PLEKHG4B: variants seen among roughly 807,000 people sequenced by gnomAD.
PLEKHG4B encodes pleckstrin homology domain-containing family G member 4B.
In PLEKHG4B, 111 loss-of-function variants were observed where a neutral mutation model predicts 121.3. The ratio of observed to expected loss-of-function variants is 0.92; its 90% confidence interval spans 0.78 to 1.07. The LOEUF is 1.07. PLEKHG4B is among the 50% of genes least tolerant of loss of function. PLEKHG4B has a pLI of 0.00. For synonymous variants in PLEKHG4B, 738 were observed against 725.0 expected, an observed-to-expected ratio of 1.02 and a Z score of -0.29; for missense variants, 1,831 against 1,757.8, an observed-to-expected ratio of 1.04 and a Z score of -0.74.
At chr5:125,740 T>C (rs1560910484) in intron 2 of PLEKHG4B, among the ~76,000 whole-genome samples, 2 of 152,232 alleles carry the variant, frequency 1.3e-5, no homozygotes, top group South Asian at 2.1e-4. Context: ...CTGTCTAATG[T>C]TCTTTGAGTT....
At chr5:151,331 T>C (rs1223309515) in intron 6 of PLEKHG4B, among the ~76,000 whole-genome samples, 182 bp from the exon 7 acceptor site, 2 of 152,150 alleles carry the variant, frequency 1.3e-5, no homozygotes, top group Admixed American at 6.5e-5. Flanking sequence ...TAAACCTGAT[T>C]ACATTAAAAA....
Position 185,941 on chromosome 5 carries a change from CTGTGGGA to C in PLEKHG4B, c.*3621_*3627del, listed in dbSNP as rs1319715776. The stretch of plus-strand genomic sequence containing the variant: ...CACGGGAGCCCCACGACCCATCGGG[CTGTGGGA>C]TGCATCCCCACGGCCGGGACCCCTC... On this transcript the variant is annotated 3_prime_UTR_variant, in exon 20 of 20. Transcript: ENST00000637938. 1.3e-5 allele frequency: 2 copies of C among 152,298 alleles called. No individual in the cohort carries two copies. The highest frequency in any genetic ancestry group is 4.8e-5 in the African/African-American group (2 of 41,472). The allele number at this position is 152,298 out of a possible 1,614,324, so 9.4% of individuals were successfully genotyped here. A position where few individuals can be genotyped will look rare whatever the true frequency, so the allele number is the denominator to read the frequency against.
Position 113,445 on chromosome 5 carries a change from C to T in PLEKHG4B, c.240C>T (p.Ala80=). 1 of 399,106 alleles carries T rather than the reference C, an allele frequency of 2.5e-6. No homozygotes were observed. Among genetic ancestry groups the T allele is most frequent in the Non-Finnish European group, 4.4e-6 (1 of 226,130 alleles). The allele number at this position is 399,106 out of a possible 1,614,324, so 24.7% of individuals were successfully genotyped here. A position where few individuals can be genotyped will look rare whatever the true frequency, so the allele number is the denominator to read the frequency against. ...CCCTGCAGCACCTGCAGCAGGAAGC[C>T]TGTGTGAGTACCTCCCTTGTAGCTC... is the stretch of plus-strand genomic sequence containing the variant. ...KRALQHLQQE[A]CARYRGLVFL... The change falls in exon 2 of 20, where the codon GCC becomes GCT. Residue 80 remains alanine, a synonymous_variant. Coordinates refer to ENST00000637938, the MANE Select transcript of PLEKHG4B (RefSeq NM_052909.5). This position sits in a 1 kb window ranked among gnomAD's most constrained non-coding sequence, Gnocchi z 5.2.
chr5:131,731 C>G (rs941635251), intron 2 of PLEKHG4B, among the ~76,000 whole-genome samples: 1 of 152,206 alleles, frequency 6.6e-6, no homozygotes, highest in African/African-American at 2.4e-5. Flanking sequence ...CTCCCACCAA[C>G]AGTGTAAAAG....
chr5:138,157 G>A (rs867911875), intron 2 of PLEKHG4B, among the ~76,000 whole-genome samples: 10 of 152,278 alleles, frequency 6.6e-5, no homozygotes, highest in Admixed American at 4.6e-4. Context: ...GCCCCCCACC[G>A]GCAGCTAATT....
At position 187,395 on chromosome 5, in the gene PLEKHG4B, G is replaced by A. The variant is rs1733659948; in HGVS notation, c.*5072G>A. On this transcript the variant is annotated 3_prime_UTR_variant, in exon 20 of 20. Transcript: ENST00000637938. The stretch of plus-strand genomic sequence containing the variant: ...TGGGGAGATGCCCGGGCCCCTCCTG[G>A]ATGGCAGCAGCAGTGGAGGTTTGGG... The A allele has an allele frequency of 6.6e-6, 1 of 152,488 alleles. No individual in the cohort carries two copies. Among genetic ancestry groups the A allele is most frequent in the Admixed American group, 6.5e-5 (1 of 15,290 alleles). The allele number at this position is 152,488 out of a possible 1,614,324, so 9.4% of individuals were successfully genotyped here. A position where few individuals can be genotyped will look rare whatever the true frequency, so the allele number is the denominator to read the frequency against.
intron 13 of PLEKHG4B, among the ~76,000 whole-genome samples, chr5:164,680 AG>A (rs1326205883): frequency 1.7e-5 from 1 of 59,794 alleles, no homozygotes; most frequent in South Asian, 7.9e-4. Flanking sequence ...ATACTCTGAC[AG>A]GGGGCGGAGC....
chr5:171,094 G>A lies in PLEKHG4B; in HGVS notation c.3781G>A (p.Asp1261Asn). 1 of 1,613,436 alleles carries A rather than the reference G, an allele frequency of 6.2e-7. No individual in the cohort carries two copies. The highest frequency in any genetic ancestry group is 8.5e-7 in the Non-Finnish European group (1 of 1,179,888). Residue 1261 changes from aspartate to asparagine, a missense_variant, in exon 15 of 20, where the codon GAT becomes AAT. Asp to Asn is a conservative substitution (Grantham distance 23, BLOSUM62 1). Coordinates refer to ENST00000637938, the MANE Select transcript of PLEKHG4B (RefSeq NM_052909.5). ...VIYSKNKPQS[D>N]ALLSSHGNAF... ...CTACAGCAAAAACAAGCCGCAGTCG[G>A]ATGCCCTGCTCAGCAGCCATGGCAA...
Position 165,646 on chromosome 5 carries a change from C to T in PLEKHG4B, c.3476+2098C>T, listed in dbSNP as rs1432510629. 7.4e-5 allele frequency among the ~76,000 whole-genome samples: 3 copies of T among 40,706 alleles called. 1 individual carries two copies. The allele number at this position is 40,706 out of a possible 152,430, so 26.7% of individuals were successfully genotyped here. ...AGCTCACACTAATGCTCTGATGTGG[C>T]GGAGCTCACACTAATGCTCTGACGG... On this transcript the variant is annotated intron_variant, in intron 13 of 19. Coordinates refer to ENST00000637938, the MANE Select transcript of PLEKHG4B (RefSeq NM_052909.5).
At chr5:131,303 C>T (rs1465392605) in intron 2 of PLEKHG4B, among the ~76,000 whole-genome samples, 1 of 152,146 alleles carries the variant, frequency 6.6e-6, no homozygotes, top group African/African-American at 2.4e-5. Flanking sequence ...ATATTCTCCG[C>T]CCTGTGTCCA....
chr5:108,653 G>T (rs1734046847), intron 1 of PLEKHG4B, among the ~76,000 whole-genome samples: 1 of 125,154 alleles, frequency 8.0e-6, no homozygotes, highest in Non-Finnish European at 1.7e-5. Flanking sequence ...CAGATGGCTG[G>T]GTGTAGACAG....
At chr5:170,924 C>T in intron 14 of PLEKHG4B, 119 bp from the exon 15 acceptor site, 2 of 734,638 alleles carry the variant, frequency 2.7e-6, no homozygotes, top group South Asian at 1.8e-5. Context: ...GATCATGGTA[C>T]AAACTGCACC....
At chr5:95,031 G>T (rs145303753) in intron 1 of PLEKHG4B, among the ~76,000 whole-genome samples, 1 of 152,160 alleles carries the variant, frequency 6.6e-6, no homozygotes, top group Non-Finnish European at 1.5e-5. Context: ...TGCCTATGTC[G>T]TTGTGATATC....
At chr5:181,394 G>A in intron 18 of PLEKHG4B, 120 bp from the exon 19 acceptor site, 1 of 1,055,430 alleles carries the variant, frequency 9.5e-7, no homozygotes, top group Non-Finnish European at 1.4e-6. Context: ...GTGGGGCAGG[G>A]TGGGTATACC....
At chr5:120,783 A>T (rs1734443499) in intron 2 of PLEKHG4B, among the ~76,000 whole-genome samples, 1 of 152,264 alleles carries the variant, frequency 6.6e-6, no homozygotes, top group Non-Finnish European at 1.5e-5. Context: ...AGATTTTATC[A>T]GTTCATAAAT....
intron 2 of PLEKHG4B, among the ~76,000 whole-genome samples, chr5:115,528 C>A (rs1227060938): frequency 6.6e-6 from 1 of 152,228 alleles, no homozygotes; most frequent in Non-Finnish European, 1.5e-5. Flanking sequence ...GCCTCTCTAG[C>A]TAGGAAAGTC....
At chr5:171,905 C>CGGCT (rs1560952122) in intron 16 of PLEKHG4B, among the ~76,000 whole-genome samples, 1 of 152,226 alleles carries the variant, frequency 6.6e-6, no homozygotes, top group Non-Finnish European at 1.5e-5. Context: ...TGCCCGCGAC[C>CGGCT]GGCTGCATGG....
chr5:151,315 C>T (rs571362051), intron 6 of PLEKHG4B, among the ~76,000 whole-genome samples, 198 bp from the exon 7 acceptor site: 1 of 152,172 alleles, frequency 6.6e-6, no homozygotes, highest in East Asian at 1.9e-4. Context: ...GTAAATTATA[C>T]CTCGATAAAC....
At chr5:115,298 A>T (rs1436833117) in intron 2 of PLEKHG4B, among the ~76,000 whole-genome samples, 1 of 152,192 alleles carries the variant, frequency 6.6e-6, no homozygotes, top group Admixed American at 6.5e-5. Context: ...GTGGGCTTAA[A>T]ATATCGAGTA....
Sources: allele counts gnomAD v4.1 joint callset (sites outside exome capture counted in the v4.1 genomes callset), GRCh38; gene constraint gnomAD v4.1.1; non-coding constraint Gnocchi (gnomAD v3.1); transcripts MANE v1.5; gene names NCBI Gene and HGNC (gene_info 2026-07-23, HGNC 2026-07-21).